GALNTL6: variants seen among roughly 807,000 people sequenced by gnomAD.
GALNTL6 encodes polypeptide N-acetylgalactosaminyltransferase like 6, also known as polypeptide N-acetylgalactosaminyltransferase-like 6.
In GALNTL6, 46 loss-of-function variants were observed where a neutral mutation model predicts 73.7. The ratio of observed to expected loss-of-function variants is 0.62; its 90% CI spans 0.49 to 0.80. GALNTL6 has a LOEUF of 0.80. Among genes scored for constraint, GALNTL6 ranks in the 30% least tolerant of loss-of-function variants. The probability of loss-of-function intolerance (pLI) is 0.00; values close to 1 mark genes in which losing one functional copy is unlikely to be tolerated. For missense variants in GALNTL6, 604 were observed against 755.0 expected, an observed-to-expected ratio of 0.80 and a Z score of 2.34; for synonymous variants, 259 against 263.7, an observed-to-expected ratio of 0.98 and a Z score of 0.17.
intron 9 of GALNTL6, among the ~76,000 whole-genome samples, chr4:172,940,824 C>A (rs1254184135): frequency 1.3e-5 from 2 of 152,076 alleles, no homozygotes; most frequent in Non-Finnish European, 2.9e-5. Flanking sequence ...AGGCACACGC[C>A]ATCATGCCTG....
At chr4:172,837,690 AC>A (rs1345976232) in intron 7 of GALNTL6, among the ~76,000 whole-genome samples, 1 of 152,158 alleles carries the variant, frequency 6.6e-6, no homozygotes, top group Non-Finnish European at 1.5e-5. Context: ...GTGAAATTTA[AC>A]TTTTCTTCCT....
chr4:172,469,532 G>C (rs1732966600), intron 5 of GALNTL6, among the ~76,000 whole-genome samples: 1 of 152,196 alleles, frequency 6.6e-6, no homozygotes, highest in Admixed American at 6.5e-5. Context: ...GGTTGAGGCA[G>C]GAGAAACACT....
Position 172,769,769 on chromosome 4 carries a change from C to T in GALNTL6, c.554-39592C>T, listed in dbSNP as rs78685539. ...TACACCACAATCTGTGTTTGTATTT[C>T]GTGTAATAAAATAGCATTGCTGATG... is the stretch of plus-strand genomic sequence containing the variant. On this transcript the variant is annotated intron_variant, in intron 5 of 12. Transcript: ENST00000506823. Among the ~76,000 whole-genome samples, 47 of 152,268 alleles carry T rather than the reference C, an allele frequency of 3.1e-4. No individual in the cohort carries two copies. The East Asian group carries it at 5.4e-3, about 18-fold the overall frequency.
At chr4:172,268,906 GT>G (rs1194142171) in intron 3 of GALNTL6, among the ~76,000 whole-genome samples, 2 of 152,106 alleles carry the variant, frequency 1.3e-5, no homozygotes, top group Non-Finnish European at 2.9e-5. Context: ...CTTTAGAACT[GT>G]GAGAAATAAA....
chr4:171,889,758 A>G (rs1736709857), intron 2 of GALNTL6, among the ~76,000 whole-genome samples: 1 of 152,122 alleles, frequency 6.6e-6, no homozygotes, highest in South Asian at 2.1e-4. Flanking sequence ...ACAAGGTGAA[A>G]AAAATCTCAC....
chr4:171,865,866 C>T lies in GALNTL6; in HGVS notation c.138+51148C>T, dbSNP rs75791628. On this transcript the variant is annotated intron_variant, in intron 2 of 12. Coordinates refer to ENST00000506823, the MANE Select transcript of GALNTL6 (RefSeq NM_001034845.3). ...TCAAATAAAATCTTTTTCATGATTG[C>T]ATTCTGTCAATACATTTCATGATTG... Among the ~76,000 whole-genome samples, 1,178 of 152,228 alleles carry T rather than the reference C, an allele frequency of 7.7e-3. 22 individuals carry two copies. The highest frequency in any genetic ancestry group is 0.027 in the African/African-American group (1,116 of 41,538).
chr4:171,837,270 A>C (rs1040365490), intron 2 of GALNTL6, among the ~76,000 whole-genome samples: 1 of 152,172 alleles, frequency 6.6e-6, no homozygotes, highest in African/African-American at 2.4e-5. Flanking sequence ...GGCATCAGGA[A>C]AATCAGGAAA....
chr4:172,730,983 G>A (rs1736112584), intron 5 of GALNTL6, among the ~76,000 whole-genome samples: 1 of 151,858 alleles, frequency 6.6e-6, no homozygotes, highest in Non-Finnish European at 1.5e-5. Flanking sequence ...GGGAGGCTGA[G>A]GCAGGAGAAT....
chr4:172,459,442 CAT>C (rs892003483), intron 5 of GALNTL6, among the ~76,000 whole-genome samples: 1 of 152,202 alleles, frequency 6.6e-6, no homozygotes, highest in African/African-American at 2.4e-5. Flanking sequence ...ATGCAGATGA[CAT>C]GATTGTATAT....
chr4:173,013,118 G>A (rs1752627063), intron 11 of GALNTL6, among the ~76,000 whole-genome samples: 1 of 152,156 alleles, frequency 6.6e-6, no homozygotes, highest in Admixed American at 6.5e-5. Context: ...TCCTCTGTCT[G>A]TTTCTATAAG....
chr4:172,763,958 A>AT (rs35078752), intron 5 of GALNTL6, among the ~76,000 whole-genome samples: 9,835 of 136,832 alleles, frequency 0.072, 594 homozygotes, highest in African/African-American at 0.14. Flanking sequence ...AACAAGGTGT[A>AT]TTTTTTTTTT....
chr4:172,243,630 G>A (rs903962600), intron 3 of GALNTL6, among the ~76,000 whole-genome samples: 2 of 152,016 alleles, frequency 1.3e-5, no homozygotes, highest in South Asian at 2.1e-4. Context: ...GTCACTAAGC[G>A]GTTTTACTAA....
At chr4:171,870,561 G>C (rs1251519648) in intron 2 of GALNTL6, among the ~76,000 whole-genome samples, 1 of 150,280 alleles carries the variant, frequency 6.7e-6, no homozygotes, top group Non-Finnish European at 1.5e-5. Flanking sequence ...TTTTTTTTTG[G>C]TCATTGGTAT....
intron 5 of GALNTL6, among the ~76,000 whole-genome samples, chr4:172,464,433 C>T (rs887258810): frequency 1.3e-5 from 2 of 152,040 alleles, no homozygotes; most frequent in Admixed American, 6.5e-5. Context: ...TGAGGCCAGG[C>T]ATGGTGTCTC....
intron 5 of GALNTL6, among the ~76,000 whole-genome samples, chr4:172,652,875 T>G (rs1215464256): frequency 6.6e-6 from 1 of 152,196 alleles, no homozygotes; most frequent in Non-Finnish European, 1.5e-5. Context: ...TTATAAGTTT[T>G]TTTCTTGATT....
At chr4:173,024,581 ATGTTTT>A (rs1753154104) in intron 12 of GALNTL6, among the ~76,000 whole-genome samples, 1 of 151,836 alleles carries the variant, frequency 6.6e-6, no homozygotes, top group Non-Finnish European at 1.5e-5. Context: ...GCAGTTTTAG[ATGTTTT>A]TGTTTGTTTT....
chr4:172,681,321 T>TA (rs572807473), intron 5 of GALNTL6, among the ~76,000 whole-genome samples: 103 of 151,986 alleles, frequency 6.8e-4, no homozygotes, highest in African/African-American at 2.3e-3. Flanking sequence ...TTTAATAGAT[T>TA]AAAAAAAACT....
At chr4:171,977,147 T>G (rs1475554722) in intron 2 of GALNTL6, among the ~76,000 whole-genome samples, 1 of 152,204 alleles carries the variant, frequency 6.6e-6, no homozygotes, top group East Asian at 1.9e-4. Context: ...TGAAGCAGAT[T>G]GATTCATGTT....
At chr4:172,800,652 G>C (rs942535670) in intron 5 of GALNTL6, among the ~76,000 whole-genome samples, 5 of 151,988 alleles carry the variant, frequency 3.3e-5, no homozygotes, top group Non-Finnish European at 7.4e-5. Flanking sequence ...TACATAGAAA[G>C]TTTAAATTTA....
Sources: gnomAD v4.1 joint callset for allele counts (sites outside exome capture counted in the v4.1 genomes callset) on GRCh38, gnomAD v4.1.1 for gene constraint, MANE v1.5 for transcripts, NCBI Gene and HGNC (gene_info 2026-07-23, HGNC 2026-07-21) for gene names.